RHOXF1: variants seen among roughly 807,000 people sequenced by gnomAD.
The protein encoded by RHOXF1 is Rhox homeobox family member 1.
Under a neutral mutation model 9.7 loss-of-function variants are expected in RHOXF1, and 1 was observed. The observed-to-expected ratio is 0.10, with a 90% CI of 0.04 to 0.49. The LOEUF is 0.49. Among genes scored for constraint, RHOXF1 ranks in the 20% least tolerant of loss-of-function variants. The pLI, the probability that RHOXF1 is intolerant of heterozygous loss-of-function variation, is 0.95. For synonymous variants in RHOXF1, 72 were observed against 70.2 expected (o/e 1.03, Z -0.13); for missense variants, 179 against 168.0 (o/e 1.07, Z -0.36).
chrX:120,115,993 G>A (rs1420574229), upstream of RHOXF1: 2 of 240,879 alleles, frequency 8.3e-6, no homozygotes, highest in Non-Finnish European at 1.1e-5. Flanking sequence ...TTGCTTATGC[G>A]CACAAGCAAG....
upstream of RHOXF1, chrX:120,117,746 G>A (rs1224168322): frequency 8.9e-6 from 1 of 111,815 alleles, no homozygotes; most frequent in Admixed American, 9.5e-5. Context: ...AAGAAAAATA[G>A]AAAGATAATA....
intron 2 of RHOXF1, among the ~76,000 whole-genome samples, chrX:120,109,551 T>TTTTA (rs201010268): frequency 9.1e-4 from 99 of 109,327 alleles, no homozygotes; most frequent in Non-Finnish European, 1.3e-3. Context: ...CTCTTCTCCA[T>TTTTA]TTTATTTATT....
chrX:120,115,868 G>A lies in RHOXF1; in HGVS notation c.-6C>T. ...TGGACGAGCGAACGCGCCATGGCTG[G>A]AGCGCTGCGCCCCTGCACAAACTCC... On this transcript the variant is annotated 5_prime_UTR_variant, in exon 1 of 3. Coordinates refer to ENST00000217999, the MANE Select transcript of RHOXF1 (RefSeq NM_139282.3). 1 of 1,166,452 alleles carries A rather than the reference G, an allele frequency of 8.6e-7. No individual in the cohort carries two copies. The highest frequency in any genetic ancestry group is 1.8e-5 in the African/African-American group (1 of 55,619).
At chrX:120,118,164 C>T (rs7057033), upstream of RHOXF1, among the ~76,000 whole-genome samples, 11,232 of 111,414 alleles carry the variant, frequency 0.1, 441 homozygotes, top group Middle Eastern at 0.21. Context: ...TGGGGCTTGG[C>T]GTGAATGGCA....
intron 2 of RHOXF1, among the ~76,000 whole-genome samples, chrX:120,109,548 C>T (rs1167682596): frequency 9.2e-6 from 1 of 108,969 alleles, no homozygotes; most frequent in Non-Finnish European, 1.9e-5. Flanking sequence ...TCTCTCTTCT[C>T]CATTTTATTT....
At chrX:120,118,529 T>C (rs2057305496), upstream of RHOXF1, among the ~76,000 whole-genome samples, 1 of 112,216 alleles carries the variant, frequency 8.9e-6, no homozygotes, top group Non-Finnish European at 1.9e-5. Flanking sequence ...TGGTTATATA[T>C]AGACTGTTTT....
intron 1 of RHOXF1, 46 bp downstream of exon 1, chrX:120,115,419 C>T (rs924687266): frequency 9.5e-7 from 1 of 1,051,931 alleles, no homozygotes; most frequent in Non-Finnish European, 1.2e-6. Flanking sequence ...AAAGATGCCT[C>T]GAAACGAACT....
upstream of RHOXF1, chrX:120,116,599 G>A (rs782749949): frequency 7.2e-5 from 8 of 110,889 alleles, no homozygotes; most frequent in South Asian, 3.9e-4. Flanking sequence ...TGCACAGGGC[G>A]CGGGCTATTA....
intron 2 of RHOXF1, among the ~76,000 whole-genome samples, chrX:120,110,557 C>T (rs1223120197): frequency 9.0e-6 from 1 of 111,237 alleles, no homozygotes; most frequent in Non-Finnish European, 1.9e-5. Flanking sequence ...ATCTGAATCC[C>T]ACCCCCTATT....
chrX:120,114,423 T>A (rs1251948886), intron 1 of RHOXF1, among the ~76,000 whole-genome samples: 10 of 110,663 alleles, frequency 9.0e-5, no homozygotes, highest in Non-Finnish European at 1.5e-4. Flanking sequence ...AAAAAATACA[T>A]AACTTGGACT....
In RHOXF1 at chrX:120,115,725, A is replaced by T. The variant is rs782753108; in HGVS notation, c.138T>A (p.Gly46=). The change falls in exon 1 of 3, where the codon GGT becomes GGA. Residue 46 remains glycine (G), a synonymous_variant. Transcript: ENST00000217999. The stretch of plus-strand genomic sequence containing the variant: ...TCACACCGCCCTCAGGGTTCATATT[A>T]CCCATGAGGCCTGGAGCTCCTTGGC... ...HVGQGAPGLM[G]NMNPEGGVNH... is the part of the protein sequence containing the mutation. The T allele has an allele frequency of 3.6e-5, 43 of 1,208,538 alleles. No individual in the cohort carries two copies. The highest frequency in any genetic ancestry group is 4.8e-5 in the Non-Finnish European group (43 of 894,839).
In RHOXF1 at chrX:120,109,227, C is replaced by A. The variant is rs1445759218; in HGVS notation, c.520G>T (p.Asp174Tyr). 1 of 1,196,857 alleles carries A rather than the reference C, an allele frequency of 8.4e-7. No individual in the cohort carries two copies. The highest frequency in any genetic ancestry group is 1.1e-6 in the Non-Finnish European group (1 of 884,444). ...ACGATGTAGACACAGTCGTCTGGGT[C>A]AGCACGTAGTTCATTGGCGAGCATT... ...ELMLANELRA[D>Y]PDDCVYIVVD The change falls in exon 3 of 3, where the codon GAC (aspartate) becomes TAC (tyrosine). Residue 174 changes from aspartate to tyrosine, a missense_variant. Asp to Tyr is a radical substitution (Grantham distance 160, BLOSUM62 -3). Coordinates refer to ENST00000217999, the MANE Select transcript of RHOXF1 (RefSeq NM_139282.3).
upstream of RHOXF1, among the ~76,000 whole-genome samples, chrX:120,120,158 C>A (rs180795488): frequency 8.9e-5 from 10 of 111,802 alleles, no homozygotes; most frequent in East Asian, 2.8e-3. Context: ...ATTTGGCCTG[C>A]CTCTTTTATT....
chrX:120,116,597 G>A (rs1372715495), upstream of RHOXF1: 1 of 110,819 alleles, frequency 9.0e-6, no homozygotes, highest in African/African-American at 3.3e-5. Context: ...CATGCACAGG[G>A]CGCGGGCTAT....
upstream of RHOXF1, chrX:120,117,682 G>C (rs956579253): frequency 1.5e-4 from 17 of 111,325 alleles, no homozygotes; most frequent in African/African-American, 5.6e-4. Context: ...CCATCCACTG[G>C]GCTAAGTGAG....
At chrX:120,114,351 TC>T (rs1305233886) in intron 1 of RHOXF1, among the ~76,000 whole-genome samples, 1 of 108,807 alleles carries the variant, frequency 9.2e-6, no homozygotes, top group African/African-American at 3.4e-5. Flanking sequence ...GGGTGACAGA[TC>T]CCCCACTCAA....
At chrX:120,111,192 G>A (rs2057263358) in intron 2 of RHOXF1, among the ~76,000 whole-genome samples, 1 of 111,453 alleles carries the variant, frequency 9.0e-6, no homozygotes, top group Non-Finnish European at 1.9e-5. Flanking sequence ...TGTCGACTCA[G>A]GGAGGAGAAA....
intron 1 of RHOXF1, among the ~76,000 whole-genome samples, chrX:120,114,019 A>C (rs1413393975): frequency 9.1e-6 from 1 of 109,719 alleles, no homozygotes. Context: ...GATGGCTTGA[A>C]CCCAGGAAGC....
upstream of RHOXF1, among the ~76,000 whole-genome samples, chrX:120,118,573 T>C (rs2057305554): frequency 8.9e-6 from 1 of 112,395 alleles, no homozygotes; most frequent in Non-Finnish European, 1.9e-5. Context: ...AGTCAATTTA[T>C]CAGCAAATCC....
Sources: allele counts gnomAD v4.1 joint callset (sites outside exome capture counted in the v4.1 genomes callset), GRCh38; gene constraint gnomAD v4.1.1; transcripts MANE v1.5; gene names NCBI Gene and HGNC (gene_info 2026-07-23, HGNC 2026-07-21).